PCDH9: variants seen among roughly 807,000 people sequenced by gnomAD.
PCDH9 encodes the protein protocadherin-9.
Under a neutral mutation model 70.6 loss-of-function variants are expected in PCDH9, and 24 were observed. The ratio of observed to expected loss-of-function variants is 0.34; its 90% CI spans 0.25 to 0.48. The LOEUF (loss-of-function observed/expected upper bound fraction) is 0.48, where lower values mean the gene tolerates loss of function less well. Ranked by LOEUF, PCDH9 falls within the 20% of genes least tolerant of loss-of-function variation. The probability of loss-of-function intolerance (pLI) is 0.99; values close to 1 mark genes in which losing one functional copy is unlikely to be tolerated. For synonymous variants in PCDH9, 562 were observed against 558.5 expected, an observed-to-expected ratio of 1.01 and a Z score of -0.09; for missense variants, 1,281 against 1,503.6, an observed-to-expected ratio of 0.85 and a Z score of 2.45.
chr13:67,176,156 A>G (rs1594615374), intron 2 of PCDH9, among the ~76,000 whole-genome samples: 1 of 152,116 alleles, frequency 6.6e-6, no homozygotes, highest in African/African-American at 2.4e-5. Context: ...AATCCTTTAT[A>G]AGGCCTAAAA....
intron 2 of PCDH9, among the ~76,000 whole-genome samples, chr13:67,113,468 G>T (rs376970886): frequency 6.6e-6 from 1 of 152,062 alleles, no homozygotes; most frequent in African/African-American, 2.4e-5. Context: ...ATATAAGACT[G>T]TTCCTCTCGT....
Position 67,227,925 on chromosome 13 carries a change from G to A in PCDH9, c.516C>T (p.Gly172=), listed in dbSNP as rs572573909. ...ATTCATAATGCTGTACACCATTGAA[G>A]CCTGTGTCAGGATCTGTTGCTGATG... is the stretch of plus-strand genomic sequence containing the variant. ...PIPSATDPDT[G]FNGVQHYELL... is the part of the protein sequence containing the mutation. Residue 172 remains glycine (G), a synonymous_variant, in exon 2 of 5, where the codon GGC becomes GGT. Coordinates refer to ENST00000377865, the MANE Select transcript of PCDH9 (RefSeq NM_203487.3). The surrounding 1 kb of genome is among the most constrained non-coding windows in gnomAD (Gnocchi z 4.6). 1 of 1,614,146 alleles carries A rather than the reference G, an allele frequency of 6.2e-7. No individual in the cohort carries two copies. Among genetic ancestry groups the A allele is most frequent in the South Asian group, 1.1e-5 (1 of 91,086 alleles).
Position 67,125,863 on chromosome 13 carries a change from A to G in PCDH9, c.3036+99542T>C, listed in dbSNP as rs995281730. 4.6e-4 allele frequency among the ~76,000 whole-genome samples: 65 copies of G among 140,586 alleles called. 2 individuals carry two copies. Among genetic ancestry groups the G allele is most frequent in the Admixed American group, 1.5e-3 (21 of 14,092 alleles). The allele number at this position is 140,586 out of a possible 152,430, so 92.2% of individuals were successfully genotyped here. ...TATATGTGTGTGTGTGTGTGTGTGT[A>G]TGTATGTATGCATGTGTATATATAT... On this transcript the variant is annotated intron_variant, in intron 2 of 4. Coordinates refer to ENST00000377865, the MANE Select transcript of PCDH9 (RefSeq NM_203487.3).
At chr13:66,696,056 T>C (rs2078558538) in intron 3 of PCDH9, among the ~76,000 whole-genome samples, 1 of 152,154 alleles carries the variant, frequency 6.6e-6, no homozygotes, top group Non-Finnish European at 1.5e-5. Flanking sequence ...TTTTAAAACA[T>C]CTTTATTACA....
intron 3 of PCDH9, among the ~76,000 whole-genome samples, chr13:66,747,038 C>T (rs921975212): frequency 3.3e-5 from 5 of 152,118 alleles, no homozygotes; most frequent in East Asian, 1.9e-4. Context: ...GAATAAGATA[C>T]GACTAAGTCT....
At chr13:66,378,092 G>A (rs186559022) in intron 4 of PCDH9, among the ~76,000 whole-genome samples, 192 of 152,218 alleles carry the variant, frequency 1.3e-3, no homozygotes, top group Non-Finnish European at 2.1e-3. Flanking sequence ...TGAGACTCTA[G>A]GTTACATTTT....
chr13:66,974,585 T>C (rs562535786), intron 2 of PCDH9, among the ~76,000 whole-genome samples: 36 of 152,164 alleles, frequency 2.4e-4, no homozygotes, highest in African/African-American at 7.5e-4. Flanking sequence ...ACTACAGTTA[T>C]GTATTAGTAA....
At chr13:67,205,033 A>T (rs953982932) in intron 2 of PCDH9, 2 of 152,182 alleles carry the variant, frequency 1.3e-5, no homozygotes, top group Non-Finnish European at 2.9e-5. Flanking sequence ...GCTTCTCTAA[A>T]CATGACTCTT....
chr13:66,933,324 T>C (rs571737957), intron 2 of PCDH9, among the ~76,000 whole-genome samples: 1 of 152,280 alleles, frequency 6.6e-6, no homozygotes, highest in Admixed American at 6.5e-5. Flanking sequence ...AGAATCAGTT[T>C]AGAGGAAATA....
At chr13:66,853,894 AAT>A (rs2081354080) in intron 3 of PCDH9, among the ~76,000 whole-genome samples, 1 of 152,152 alleles carries the variant, frequency 6.6e-6, no homozygotes, top group African/African-American at 2.4e-5. Context: ...TTTTAATGGG[AAT>A]ATACATTGAG....
At chr13:67,064,911 G>GAT (rs1413565361) in intron 2 of PCDH9, among the ~76,000 whole-genome samples, 15 of 151,466 alleles carry the variant, frequency 9.9e-5, no homozygotes, top group Admixed American at 9.9e-4. Context: ...TAGATAGATA[G>GAT]ATAGATAGAT....
chr13:66,991,366 ATG>A (rs1412293586), intron 2 of PCDH9, among the ~76,000 whole-genome samples: 1 of 152,026 alleles, frequency 6.6e-6, no homozygotes, highest in African/African-American at 2.4e-5. Flanking sequence ...AAGATGAAGA[ATG>A]TATGAATTAT....
chr13:66,771,947 GAAC>G (rs752934142), intron 3 of PCDH9, among the ~76,000 whole-genome samples: 39 of 152,080 alleles, frequency 2.6e-4, no homozygotes, highest in Non-Finnish European at 4.7e-4. Context: ...TTAGAAAAAA[GAAC>G]AACAACAAGC....
chr13:66,446,215 G>A (rs1271065138), intron 4 of PCDH9, among the ~76,000 whole-genome samples: 1 of 151,928 alleles, frequency 6.6e-6, no homozygotes, highest in East Asian at 1.9e-4. Flanking sequence ...GCAGAATTTT[G>A]TTCCAGTGTC....
chr13:67,173,462 T>G (rs762084482), intron 2 of PCDH9, among the ~76,000 whole-genome samples: 4 of 152,182 alleles, frequency 2.6e-5, no homozygotes, highest in African/African-American at 9.7e-5. Flanking sequence ...ATTCACAATA[T>G]AGAGACTTTG....
At chr13:66,375,673 A>G (rs1410270387) in intron 4 of PCDH9, among the ~76,000 whole-genome samples, 1 of 152,142 alleles carries the variant, frequency 6.6e-6, no homozygotes, top group Admixed American at 6.6e-5. Context: ...GAAAGTGCAT[A>G]TAACAAATTG....
At chr13:67,198,492 T>TC in intron 2 of PCDH9, among the ~76,000 whole-genome samples, 1 of 152,022 alleles carries the variant, frequency 6.6e-6, no homozygotes, top group East Asian at 1.9e-4. Context: ...TATCGTTTCT[T>TC]CCACCACAAC....
chr13:66,731,612 T>C (rs184268884), intron 3 of PCDH9, among the ~76,000 whole-genome samples: 51 of 152,230 alleles, frequency 3.4e-4, no homozygotes, highest in Non-Finnish European at 5.1e-4. Context: ...ATATTAGCTC[T>C]TGCATGGAAA....
At chr13:66,784,930 A>AT (rs938279899) in intron 3 of PCDH9, among the ~76,000 whole-genome samples, 20 of 151,878 alleles carry the variant, frequency 1.3e-4, no homozygotes, top group Middle Eastern at 3.4e-3. Context: ...CCTCTGTCTT[A>AT]TTTTTTTTAA....
Sources: gnomAD v4.1 joint callset for allele counts (sites outside exome capture counted in the v4.1 genomes callset) on GRCh38, gnomAD v4.1.1 for gene constraint, Gnocchi (gnomAD v3.1) non-coding constraint, MANE v1.5 for transcripts, NCBI Gene and HGNC (gene_info 2026-07-23, HGNC 2026-07-21) for gene names.